The following ATP6V0A2 variants were observed in gnomAD, a reference collection of about 807,000 sequenced individuals.
The protein encoded by ATP6V0A2 is ATPase H+ transporting V0 subunit a2, also known as V-type proton ATPase 116 kDa subunit a 2.
A neutral mutation model predicts 104.4 loss-of-function variants in ATP6V0A2; 58 were observed. That is an observed-to-expected ratio of 0.56 (90% CI 0.45 to 0.69). ATP6V0A2 has a LOEUF of 0.69. Ranked by LOEUF, ATP6V0A2 falls within the 30% of genes least tolerant of loss-of-function variation. The probability of loss-of-function intolerance (pLI) is 0.00; values close to 1 mark genes in which losing one functional copy is unlikely to be tolerated. For synonymous variants in ATP6V0A2, 376 were observed against 397.9 expected (o/e 0.95, Z 0.65); for missense variants, 938 against 1,062.9 (o/e 0.88, Z 1.63).
intron 1 of ATP6V0A2, among the ~76,000 whole-genome samples, chr12:123,713,856 C>T (rs1956315513): frequency 6.6e-6 from 1 of 152,134 alleles, no homozygotes; most frequent in African/African-American, 2.4e-5. Context: ...TCAGCCCTAC[C>T]CGAGATCTGA....
At chr12:123,726,145 A>G in intron 4 of ATP6V0A2, 52 bp from the exon 5 acceptor site, 1 of 1,396,172 alleles carries the variant, frequency 7.2e-7, no homozygotes, top group Non-Finnish European at 1.0e-6. Flanking sequence ...GACATGAGAA[A>G]TAAAGTGTCA....
At chr12:123,728,356 C>G (rs1956467494) in intron 6 of ATP6V0A2, among the ~76,000 whole-genome samples, 2 of 150,174 alleles carry the variant, frequency 1.3e-5, no homozygotes, top group South Asian at 4.2e-4. Flanking sequence ...CAAAGCCTCC[C>G]AAAGTGTTGG....
chr12:123,746,079 C>T (rs1956659153), intron 13 of ATP6V0A2, among the ~76,000 whole-genome samples: 1 of 152,120 alleles, frequency 6.6e-6, no homozygotes, highest in Non-Finnish European at 1.5e-5. Flanking sequence ...ACGGCTACAA[C>T]AATTTCTTTA....
At chr12:123,751,008 C>A in intron 15 of ATP6V0A2, 102 bp from the exon 16 acceptor site, 1 of 1,495,292 alleles carries the variant, frequency 6.7e-7, no homozygotes, top group Non-Finnish European at 9.3e-7. Flanking sequence ...ATGTTCCTCG[C>A]GTGGAGACAT....
At chr12:123,725,143 C>T (rs1251374732) in intron 4 of ATP6V0A2, among the ~76,000 whole-genome samples, 2 of 152,100 alleles carry the variant, frequency 1.3e-5, no homozygotes, top group Non-Finnish European at 2.9e-5. Flanking sequence ...CCATGTTGGC[C>T]AGGCTGGTAT....
At chr12:123,743,748 G>C (rs1471049457) in intron 9 of ATP6V0A2, 37 bp from the exon 10 acceptor site, 2 of 1,611,574 alleles carry the variant, frequency 1.2e-6, no homozygotes, top group East Asian at 2.2e-5. Flanking sequence ...TTTCTTCTTG[G>C]ATAGTAATTT....
chr12:123,724,553 A>G lies in ATP6V0A2; in HGVS notation c.295-101A>G, dbSNP rs1956430402. The G allele has an allele frequency of 3.0e-6, 4 of 1,342,366 alleles. No individual in the cohort carries two copies. The South Asian group carries it at 5.1e-5, about 17-fold the overall frequency. The allele number at this position is 1,342,366 out of a possible 1,614,324, so 83.2% of individuals were successfully genotyped here. A position where few individuals can be genotyped will look rare whatever the true frequency, so the allele number is the denominator to read the frequency against. On this transcript the variant is annotated intron_variant, in intron 3 of 19. Coordinates refer to ENST00000330342, the MANE Select transcript of ATP6V0A2 (RefSeq NM_012463.4). ...CAAAAAAAAAAAAAAGAAAAAAACA[A>G]AACAAAAAAACCCACTGTTTTTGGT...
At chr12:123,736,311 C>T (rs983261532) in intron 8 of ATP6V0A2, among the ~76,000 whole-genome samples, 3 of 151,792 alleles carry the variant, frequency 2.0e-5, no homozygotes, top group African/African-American at 7.3e-5. Context: ...CCTGCCTCAG[C>T]CTCCCAAGTA....
At chr12:123,724,922 A>T in intron 4 of ATP6V0A2, 131 bp downstream of exon 4, 1 of 592,374 alleles carries the variant, frequency 1.7e-6, no homozygotes, top group Non-Finnish European at 2.6e-6. Flanking sequence ...GATTAAATTT[A>T]TTTATTTATT....
At chr12:123,745,095 T>G in intron 13 of ATP6V0A2, 123 bp downstream of exon 13, 1 of 978,524 alleles carries the variant, frequency 1.0e-6, no homozygotes, top group Non-Finnish European at 1.6e-6. Flanking sequence ...AGGTGCTCAT[T>G]AGCCCCTGTG....
intron 6 of ATP6V0A2, 74 bp from the exon 7 acceptor site, chr12:123,733,852 C>T: frequency 9.9e-7 from 1 of 1,008,248 alleles, no homozygotes; most frequent in East Asian, 2.4e-5. Flanking sequence ...AACGCTTTGA[C>T]AGTGTTTGAG....
At chr12:123,741,836 A>G (rs1956612379) in intron 9 of ATP6V0A2, among the ~76,000 whole-genome samples, 2 of 152,156 alleles carry the variant, frequency 1.3e-5, no homozygotes. Context: ...TTTCTGGCAG[A>G]TGTTTATGGT....
In ATP6V0A2 at chr12:123,726,137, C is replaced by T. The variant is rs139844022; in HGVS notation, c.433-60C>T. On this transcript the variant is annotated intron_variant, in intron 4 of 19. Coordinates refer to ENST00000330342, the MANE Select transcript of ATP6V0A2 (RefSeq NM_012463.4). ...CCTATAAACTTGTTTGAAAATTTGA[C>T]ATGAGAAATAAAGTGTCACTTTTAA... 8.4e-4 allele frequency: 1,128 copies of T among 1,341,582 alleles called. 5 individuals are homozygous for T. In the African/African-American group the frequency reaches 0.015, roughly 18 times the overall value. 83.1% of individuals were successfully genotyped at this position (1,341,582 alleles called of 1,614,324 possible). A position where few individuals can be genotyped will look rare whatever the true frequency, so the allele number is the denominator to read the frequency against.
chr12:123,743,142 C>T (rs759675414), intron 9 of ATP6V0A2, among the ~76,000 whole-genome samples: 1 of 152,150 alleles, frequency 6.6e-6, no homozygotes, highest in Non-Finnish European at 1.5e-5. Context: ...TGAGCCGACT[C>T]CATACCCACG....
At chr12:123,719,324 C>T (rs957922164) in intron 2 of ATP6V0A2, among the ~76,000 whole-genome samples, 1 of 152,060 alleles carries the variant, frequency 6.6e-6, no homozygotes, top group Admixed American at 6.6e-5. Flanking sequence ...ATTATCAAAT[C>T]AAGCCTTGAC....
intron 9 of ATP6V0A2, among the ~76,000 whole-genome samples, chr12:123,743,479 C>T (rs988399143): frequency 1.3e-5 from 2 of 152,038 alleles, no homozygotes; most frequent in African/African-American, 4.8e-5. Flanking sequence ...CATGGAGAAA[C>T]CCCGTCTCTA....
rs2135910171 is a variant in ATP6V0A2 at position 123,744,690 on chromosome 12, A to G, written c.1420A>G (p.Lys474Glu). 6.2e-7 allele frequency: 1 copy of G among 1,614,078 alleles called. No homozygotes were observed. Among genetic ancestry groups the G allele is most frequent in the Non-Finnish European group, 8.5e-7 (1 of 1,180,022 alleles). ...CCTCATCTACAACGACTGCTTTTCA[A>G]AGTCAGTCAACCTGTTCGGCTCTGG... ...TGLIYNDCFS[K>E]SVNLFGSGWN... The change falls in exon 12 of 20, where the codon AAG becomes GAG. Residue 474 changes from lysine to glutamate, a missense_variant. Lys to Glu is a moderately conservative substitution (Grantham distance 56). Coordinates refer to ENST00000330342, the MANE Select transcript of ATP6V0A2 (RefSeq NM_012463.4). The surrounding 1 kb of genome is among the most constrained non-coding windows in gnomAD (Gnocchi z 5.4).
intron 9 of ATP6V0A2, among the ~76,000 whole-genome samples, chr12:123,740,145 A>AAAACAAAC (rs10661679): frequency 0.094 from 13,905 of 148,646 alleles, 980 homozygotes; most frequent in African/African-American, 0.18. Flanking sequence ...CCTTGTCTCA[A>AAAACAAAC]AAACAAACAA....
At chr12:123,724,166 T>G (rs1275687803) in intron 3 of ATP6V0A2, 1 of 151,640 alleles carries the variant, frequency 6.6e-6, no homozygotes, top group East Asian at 2.0e-4. Context: ...CTTGGCTCAC[T>G]GCAACCTCCA....
Sources: allele counts gnomAD v4.1 joint callset (sites outside exome capture counted in the v4.1 genomes callset), GRCh38; gene constraint gnomAD v4.1.1; non-coding constraint Gnocchi (gnomAD v3.1); transcripts MANE v1.5; gene names NCBI Gene and HGNC (gene_info 2026-07-23, HGNC 2026-07-21).